The following POC1B variants were observed in gnomAD, a reference collection of about 807,000 sequenced individuals.
The protein encoded by POC1B is POC1 centriolar protein B.
POC1B carries 44 observed loss-of-function variants against 60.6 expected under a neutral mutation model. The ratio of observed to expected loss-of-function variants is 0.73; its 90% CI spans 0.57 to 0.93. The LOEUF is 0.93. POC1B is among the 40% of genes least tolerant of loss of function. The probability of loss-of-function intolerance (pLI) is 0.00; values close to 1 mark genes in which losing one functional copy is unlikely to be tolerated. For synonymous variants in POC1B, 180 were observed against 198.9 expected, an observed-to-expected ratio of 0.90 and a Z score of 0.80; for missense variants, 555 against 572.3, an observed-to-expected ratio of 0.97 and a Z score of 0.31.
intron 10 of POC1B, among the ~76,000 whole-genome samples, chr12:89,438,138 G>C (rs984465035): frequency 6.6e-6 from 1 of 151,588 alleles, no homozygotes; most frequent in Admixed American, 6.6e-5. Flanking sequence ...CCTTCATACT[G>C]GTTCGCATCT....
At chr12:89,413,914 TG>T in the POC1B span, among the ~76,000 whole-genome samples, 6 of 152,108 alleles carry the variant, frequency 3.9e-5, no homozygotes, top group Non-Finnish European at 7.4e-5. Flanking sequence ...TCTTTTCAGA[TG>T]GAGTCTTGCT....
At chr12:89,517,547 C>T (rs1484253662) in intron 2 of POC1B, among the ~76,000 whole-genome samples, 2 of 152,060 alleles carry the variant, frequency 1.3e-5, no homozygotes, top group Middle Eastern at 3.4e-3. Flanking sequence ...GCATGAGAAT[C>T]GCTTGAACTT....
chr12:89,473,158 A>G (rs1882968770), intron 4 of POC1B, among the ~76,000 whole-genome samples: 2 of 152,174 alleles, frequency 1.3e-5, no homozygotes, highest in South Asian at 4.1e-4. Context: ...CTATATTTCA[A>G]TTTTATTTGT....
At chr12:89,503,977 G>A (rs1369559404) in intron 2 of POC1B, among the ~76,000 whole-genome samples, 5 of 150,958 alleles carry the variant, frequency 3.3e-5, no homozygotes, top group East Asian at 4.0e-4. Flanking sequence ...CGCCCCGTCC[G>A]GGAGGGAGGT....
chr12:89,474,171 A>T (rs1883017113), intron 4 of POC1B, among the ~76,000 whole-genome samples: 2 of 151,900 alleles, frequency 1.3e-5, no homozygotes, highest in Non-Finnish European at 2.9e-5. Context: ...GCACCACTGC[A>T]CTCTAGCCTG....
At chr12:89,522,806 T>C (rs1165733871) in intron 2 of POC1B, 1 of 1,567,958 alleles carries the variant, frequency 6.4e-7, no homozygotes, top group Non-Finnish European at 8.6e-7. Context: ...GAAAGTGCTG[T>C]TGTGCTCTAT....
At chr12:89,525,089 A>G (rs1423892487) in intron 2 of POC1B, 31 bp downstream of exon 2, 2 of 1,613,844 alleles carry the variant, frequency 1.2e-6, no homozygotes, top group East Asian at 2.2e-5. Context: ...GTTTAGTCTC[A>G]TTACAAAAGC....
chr12:89,457,412 C>T (rs1882303524), intron 10 of POC1B, among the ~76,000 whole-genome samples: 1 of 152,106 alleles, frequency 6.6e-6, no homozygotes, highest in Admixed American at 6.5e-5. Flanking sequence ...TAAAGAAAAG[C>T]CCTTTGGAGA....
At chr12:89,456,267 C>G (rs542525656) in intron 10 of POC1B, among the ~76,000 whole-genome samples, 1 of 152,136 alleles carries the variant, frequency 6.6e-6, no homozygotes, top group Non-Finnish European at 1.5e-5. Context: ...GTGATCCACC[C>G]GCCTTGGCCT....
intron 10 of POC1B, among the ~76,000 whole-genome samples, chr12:89,440,824 G>A (rs55954530): frequency 2.6e-5 from 4 of 152,192 alleles, no homozygotes; most frequent in Non-Finnish European, 4.4e-5. Context: ...GCGGGGCATC[G>A]CCTCACCCAG....
chr12:89,522,129 G>A (rs73194597), intron 2 of POC1B: 30,316 of 398,880 alleles, frequency 0.076, 1,436 homozygotes, highest in Non-Finnish European at 0.097. Flanking sequence ...ATACATCAGT[G>A]AAGTCCAATA....
chr12:89,457,455 A>C (rs7308380), intron 10 of POC1B, among the ~76,000 whole-genome samples: 114,882 of 152,182 alleles, frequency 0.75, 43,450 homozygotes, highest in Middle Eastern at 0.82. Flanking sequence ...ACTTTATGAG[A>C]ATCTATGTCT....
chr12:89,462,536 T>C (rs1317625664), intron 9 of POC1B, among the ~76,000 whole-genome samples: 1 of 152,210 alleles, frequency 6.6e-6, no homozygotes, highest in African/African-American at 2.4e-5. Context: ...AAGCCTTCAC[T>C]AGACTACAAG....
At chr12:89,455,160 C>T (rs1240195822) in intron 10 of POC1B, among the ~76,000 whole-genome samples, 1 of 152,018 alleles carries the variant, frequency 6.6e-6, no homozygotes, top group Non-Finnish European at 1.5e-5. Context: ...ATGGTGAAAC[C>T]CTGTCTGTAC....
the POC1B span, among the ~76,000 whole-genome samples, chr12:89,411,549 C>T: frequency 6.6e-6 from 1 of 152,186 alleles, no homozygotes; most frequent in Non-Finnish European, 1.5e-5. Flanking sequence ...TTTTCAGGAT[C>T]ACATATGATT....
chr12:89,522,808 G>GTGC, intron 2 of POC1B: 1 of 1,570,054 alleles, frequency 6.4e-7, no homozygotes. Flanking sequence ...AAGTGCTGTT[G>GTGC]TGCTCTATTT....
At chr12:89,451,486 G>A (rs1882037624) in intron 10 of POC1B, among the ~76,000 whole-genome samples, 1 of 143,324 alleles carries the variant, frequency 7.0e-6, no homozygotes, top group South Asian at 2.2e-4. Flanking sequence ...GAGTTGGTTG[G>A]TTGGTTGGCT....
chr12:89,438,316 G>A (rs1881364342), intron 10 of POC1B, among the ~76,000 whole-genome samples: 1 of 152,082 alleles, frequency 6.6e-6, no homozygotes, highest in African/African-American at 2.4e-5. Flanking sequence ...AATTAGCTGG[G>A]TGCGGTGGCG....
chr12:89,441,883 T>G (rs113541876), intron 10 of POC1B, among the ~76,000 whole-genome samples: 3 of 152,188 alleles, frequency 2.0e-5, no homozygotes, highest in Non-Finnish European at 4.4e-5. Context: ...GAAAAAAGAT[T>G]AGACGAATGG....
Sources: allele counts gnomAD v4.1 joint callset (sites outside exome capture counted in the v4.1 genomes callset), GRCh38; gene constraint gnomAD v4.1.1; transcripts MANE v1.5; gene names NCBI Gene and HGNC (gene_info 2026-07-23, HGNC 2026-07-21).